Variants in PTPRJ observed in about 807,000 individuals in gnomAD.
PTPRJ encodes receptor-type tyrosine-protein phosphatase eta.
Under a neutral mutation model 141.3 loss-of-function variants are expected in PTPRJ, and 129 were observed. The ratio of observed to expected loss-of-function variants is 0.91; its 90% CI spans 0.79 to 1.06. The LOEUF is 1.06. Ranked by LOEUF, PTPRJ falls within the 50% of genes least tolerant of loss-of-function variation. The probability of loss-of-function intolerance (pLI) is 0.00; values close to 1 mark genes in which losing one functional copy is unlikely to be tolerated. For missense variants in PTPRJ, 1,601 were observed against 1,679.7 expected (o/e 0.95, Z 0.82); for synonymous variants, 610 against 640.5 (o/e 0.95, Z 0.72).
chr11:48,011,305 G>A (rs1340716349), intron 1 of PTPRJ, among the ~76,000 whole-genome samples: 2 of 152,178 alleles, frequency 1.3e-5, no homozygotes, highest in African/African-American at 2.4e-5. Flanking sequence ...GGCCTCTTGT[G>A]TTGTGCTGAT....
At position 47,980,718 on chromosome 11, in the gene PTPRJ, C is replaced by G. The variant is rs1265511228; in HGVS notation, c.-195C>G. On this transcript the variant is annotated 5_prime_UTR_variant, in exon 1 of 25. Coordinates refer to ENST00000418331, the MANE Select transcript of PTPRJ (RefSeq NM_002843.4). The stretch of plus-strand genomic sequence containing the variant: ...CCGCGGCAGCCGCGCTAGGCTCCGG[C>G]GTGTGGCCGCGGCCGCCGCCGCCGC... 1 of 999,598 alleles carries G rather than the reference C, an allele frequency of 1.0e-6. No homozygotes were observed. Among genetic ancestry groups the G allele is most frequent in the African/African-American group, 1.8e-5 (1 of 56,988 alleles). 61.9% of individuals were successfully genotyped at this position (999,598 alleles called of 1,614,324 possible). A position where few individuals can be genotyped will look rare whatever the true frequency, so the allele number is the denominator to read the frequency against.
chr11:48,092,711 T>C (rs761059258), intron 1 of PTPRJ, among the ~76,000 whole-genome samples: 1 of 152,228 alleles, frequency 6.6e-6, no homozygotes, highest in Non-Finnish European at 1.5e-5. Context: ...ATTACAGGCG[T>C]GAACTACTGC....
chr11:48,116,217 G>A (rs946727316), intron 3 of PTPRJ, among the ~76,000 whole-genome samples: 5 of 152,082 alleles, frequency 3.3e-5, no homozygotes, highest in African/African-American at 7.2e-5. Flanking sequence ...TGAAAGTGAA[G>A]GGATGGAAAA....
At chr11:48,140,130 G>T (rs2134364098) in intron 11 of PTPRJ, among the ~76,000 whole-genome samples, 1 of 152,260 alleles carries the variant, frequency 6.6e-6, no homozygotes, top group Non-Finnish European at 1.5e-5. Context: ...TGCTTCCTGG[G>T]TTCAAGTGAT....
At chr11:47,997,383 C>T (rs1426748652) in intron 1 of PTPRJ, among the ~76,000 whole-genome samples, 1 of 152,236 alleles carries the variant, frequency 6.6e-6, no homozygotes, top group Non-Finnish European at 1.5e-5. Context: ...CTGACTTCCT[C>T]CCCGTGAGAC....
At chr11:48,034,784 C>T (rs1046654886) in intron 1 of PTPRJ, among the ~76,000 whole-genome samples, 3 of 152,190 alleles carry the variant, frequency 2.0e-5, no homozygotes, top group African/African-American at 7.2e-5. Context: ...CCATTATACT[C>T]CAAGGCCTGT....
At chr11:48,064,665 G>A (rs61914730) in intron 1 of PTPRJ, among the ~76,000 whole-genome samples, 4,591 of 152,220 alleles carry the variant, frequency 0.03, 105 homozygotes, top group Non-Finnish European at 0.046. Flanking sequence ...GTGCAGTGGT[G>A]AGATCTCAGT....
At chr11:48,027,668 T>C (rs1853856249) in intron 1 of PTPRJ, among the ~76,000 whole-genome samples, 1 of 151,648 alleles carries the variant, frequency 6.6e-6, no homozygotes, top group Non-Finnish European at 1.5e-5. Flanking sequence ...GGCACATGCC[T>C]GTAGTTCCAG....
At position 47,980,758 on chromosome 11, in the gene PTPRJ, G is replaced by A; in HGVS notation, c.-155G>A. 1 of 1,020,200 alleles carries A rather than the reference G, an allele frequency of 9.8e-7. No homozygotes were observed. The highest frequency in any genetic ancestry group is 1.2e-6 in the Non-Finnish European group (1 of 854,932). The allele number at this position is 1,020,200 out of a possible 1,614,324, so 63.2% of individuals were successfully genotyped here. ...GCCGCCGCCGCTGCCATGTCTCCGGGGAAGCCCGGGGCGGGCGGAGCGGGG... is the reference window on the plus strand; with the variant it reads ...GCCGCCGCCGCTGCCATGTCTCCGGAGAAGCCCGGGGCGGGCGGAGCGGGG... On this transcript the variant is annotated 5_prime_UTR_variant, in exon 1 of 25. Transcript: ENST00000418331.
intron 1 of PTPRJ, among the ~76,000 whole-genome samples, chr11:48,038,371 C>T (rs567301118): frequency 4.6e-5 from 7 of 152,252 alleles, no homozygotes; most frequent in East Asian, 1.9e-4. Context: ...ACAGAATCTG[C>T]GTTTCCCTCC....
intron 20 of PTPRJ, 53 bp downstream of exon 20, chr11:48,155,927 T>G: frequency 1.3e-6 from 2 of 1,591,576 alleles, no homozygotes; most frequent in Non-Finnish European, 8.6e-7. Context: ...AAATCTTCAG[T>G]GTGCTTTGCT....
chr11:47,988,843 A>G (rs1281383576), intron 1 of PTPRJ, among the ~76,000 whole-genome samples: 1 of 119,782 alleles, frequency 8.3e-6, no homozygotes, highest in Non-Finnish European at 1.8e-5. Flanking sequence ...AAATTTTTAC[A>G]TGTTTGCTAG....
intron 1 of PTPRJ, among the ~76,000 whole-genome samples, chr11:48,068,785 GC>G (rs1284394931): frequency 6.6e-6 from 1 of 152,294 alleles, no homozygotes; most frequent in East Asian, 1.9e-4. Context: ...AGGAGCATGG[GC>G]TGGGTCCCTC....
chr11:48,050,481 A>G (rs1854537978), intron 1 of PTPRJ, among the ~76,000 whole-genome samples: 1 of 152,250 alleles, frequency 6.6e-6, no homozygotes, highest in South Asian at 2.1e-4. Context: ...TGGACAAGGT[A>G]TGATGACATG....
At chr11:48,106,763 C>CTTTTTT (rs35643138) in intron 1 of PTPRJ, among the ~76,000 whole-genome samples, 5 of 86,434 alleles carry the variant, frequency 5.8e-5, no homozygotes, top group African/African-American at 1.7e-4. Flanking sequence ...TTCTTTCTTT[C>CTTTTTT]TTTTTTTTTT....
chr11:48,159,110 G>C (rs371469669), intron 21 of PTPRJ, among the ~76,000 whole-genome samples: 13 of 42,270 alleles, frequency 3.1e-4, no homozygotes, highest in Non-Finnish European at 5.2e-4. Context: ...GTGTGTGTGT[G>C]TGTGTATGTG....
intron 1 of PTPRJ, among the ~76,000 whole-genome samples, chr11:47,988,876 C>CTTTTTTTT (rs1854116991): frequency 9.3e-6 from 1 of 107,806 alleles, no homozygotes; most frequent in African/African-American, 4.4e-5. Flanking sequence ...AAAATTGTAT[C>CTTTTTTTT]TTGTTTTTTT....
chr11:48,127,653 T>C (rs1374332352), intron 6 of PTPRJ, 127 bp from the exon 7 acceptor site: 2 of 956,168 alleles, frequency 2.1e-6, no homozygotes, highest in Non-Finnish European at 3.1e-6. Flanking sequence ...CCACGGTTGA[T>C]GGTGCAGAGG....
At chr11:48,019,895 C>T (rs1463889558) in intron 1 of PTPRJ, among the ~76,000 whole-genome samples, 1 of 152,068 alleles carries the variant, frequency 6.6e-6, no homozygotes, top group African/African-American at 2.4e-5. Context: ...GTTATATTTG[C>T]TTTGCATCAC....
Sources: allele counts gnomAD v4.1 joint callset (sites outside exome capture counted in the v4.1 genomes callset), GRCh38; gene constraint gnomAD v4.1.1; transcripts MANE v1.5; gene names NCBI Gene and HGNC (gene_info 2026-07-23, HGNC 2026-07-21).